The following ABI1 variants were observed in gnomAD, a reference collection of about 807,000 sequenced individuals.
ABI1 encodes the protein abl interactor 1, also known as Abelson interactor 1.
A neutral mutation model predicts 54.6 loss-of-function variants in ABI1; 14 were observed. The observed-to-expected ratio is 0.26, with a 90% CI of 0.17 to 0.40. The LOEUF is 0.40. ABI1 is among the 10% of genes least tolerant of loss of function. The pLI is 1.00. For missense variants in ABI1, 443 were observed against 598.3 expected, an observed-to-expected ratio of 0.74 and a Z score of 2.71; for synonymous variants, 194 against 209.3, an observed-to-expected ratio of 0.93 and a Z score of 0.63.
At chr10:26,811,971 G>C (rs748142348) in intron 2 of ABI1, among the ~76,000 whole-genome samples, 1 of 152,190 alleles carries the variant, frequency 6.6e-6, no homozygotes, top group South Asian at 2.1e-4. Context: ...GGCTCAGGAG[G>C]GGGTGTTCAC....
chr10:26,814,542 ATTAC>A (rs1224847654), intron 2 of ABI1, among the ~76,000 whole-genome samples: 3 of 152,206 alleles, frequency 2.0e-5, no homozygotes, highest in Admixed American at 6.5e-5. Context: ...TTCTCCTAGT[ATTAC>A]TTCCTATATT....
intron 6 of ABI1, among the ~76,000 whole-genome samples, chr10:26,768,493 G>A (rs1014746275): frequency 2.0e-5 from 3 of 150,762 alleles, no homozygotes; most frequent in African/African-American, 7.3e-5. Flanking sequence ...AGCCGAGATC[G>A]CACCACTACA....
In ABI1 at chr10:26,832,143, C is replaced by T. The variant is rs569848078; in HGVS notation, c.118-8838G>A. Among the ~76,000 whole-genome samples, 8 of 152,306 alleles carry T rather than the reference C, an allele frequency of 5.3e-5. No homozygotes were observed. The South Asian group carries it at 1.7e-3, about 32-fold the overall frequency. On this transcript the variant is annotated intron_variant, in intron 1 of 10. Transcript: ENST00000376140. ...AACAATGACAAATATGCCATGACCG[C>T]TGACTGGCTGATGACTTTTTAAGGA...
chr10:26,860,735 A>G lies in ABI1; in HGVS notation c.117+12T>C. The G allele has an allele frequency of 1.2e-6, 2 of 1,609,040 alleles. No homozygotes were observed. Among genetic ancestry groups the G allele is most frequent in the Non-Finnish European group, 1.7e-6 (2 of 1,175,770 alleles). On this transcript the variant is annotated intron_variant, in intron 1 of 10. Coordinates refer to ENST00000376140, the MANE Select transcript of ABI1 (RefSeq NM_001012750.3). The surrounding 1 kb of genome is among the most constrained non-coding windows in gnomAD (Gnocchi z 4.1). ...ACCCGGCCAGCGCCCGCCGGCCGCC[A>G]GAGCGCCTCACCTGTATGTAGTTGT...
intron 1 of ABI1, among the ~76,000 whole-genome samples, chr10:26,837,685 A>G (rs2049181400): frequency 6.6e-6 from 1 of 152,096 alleles, no homozygotes; most frequent in South Asian, 2.1e-4. Flanking sequence ...AATCCATCTC[A>G]GCTTACTGCA....
intron 2 of ABI1, among the ~76,000 whole-genome samples, chr10:26,814,121 T>C (rs1328548441): frequency 6.6e-6 from 1 of 152,186 alleles, no homozygotes; most frequent in Non-Finnish European, 1.5e-5. Context: ...AGGTTTGTTA[T>C]ATAAGGTTTT....
chr10:26,813,140 T>C lies in ABI1; in HGVS notation c.285+9998A>G, dbSNP rs146073709. Among the ~76,000 whole-genome samples the C allele has an allele frequency of 4.4e-3, 671 of 151,910 alleles. 4 individuals carry two copies. Among genetic ancestry groups the C allele is most frequent in the African/African-American group, 0.015 (625 of 41,424 alleles). On this transcript the variant is annotated intron_variant, in intron 2 of 10. Transcript: ENST00000376140. ...GGTGCACACCTGTAATCCTAGCTAC[T>C]TGGGAGGCTGAGGCAGGAGAATCAC...
intron 2 of ABI1, among the ~76,000 whole-genome samples, chr10:26,794,945 A>C (rs1843949956): frequency 6.6e-6 from 1 of 152,006 alleles, no homozygotes; most frequent in Non-Finnish European, 1.5e-5. Flanking sequence ...GGAGTTTGAG[A>C]CCAGCCTGGC....
Position 26,798,089 on chromosome 10 carries a change from AAGAGAGGACAAAAATTC to A in ABI1, c.286-20865_286-20849del, listed in dbSNP as rs151245288. Among the ~76,000 whole-genome samples, 643 of 152,294 alleles carry A rather than the reference AAGAGAGGACAAAAATTC, an allele frequency of 4.2e-3. 4 individuals carry two copies. The highest frequency in any genetic ancestry group is 0.014 in the African/African-American group (602 of 41,556). On this transcript the variant is annotated intron_variant, in intron 2 of 10. Coordinates refer to ENST00000376140, the MANE Select transcript of ABI1 (RefSeq NM_001012750.3). ...AAGAAAATCCAGGGAGACTAGGAAA[AAGAGAGGACAAAAATTC>A]AGAGCAGAAAACATGAACAAGGCTG...
chr10:26,759,109 G>T lies in ABI1; in HGVS notation c.950C>A (p.Ser317Tyr), dbSNP rs781063042. The change falls in exon 8 of 11, where the codon TCT becomes TAT. Residue 317 changes from serine (S) to tyrosine (Y), a missense_variant. By Grantham distance (144) the Ser-to-Tyr change is moderately radical. Around this residue, in one of 2 missense-constraint regions of ABI1, gnomAD observed 394 missense variants for 484.8 expected, o/e 0.81. Coordinates refer to ENST00000376140, the MANE Select transcript of ABI1 (RefSeq NM_001012750.3). ...ACCTCCATTAACATGAGGCTGAGCAGAAAATTGAGCAGTCACAGAGGGAGT... is the reference window on the plus strand; with the variant it reads ...ACCTCCATTAACATGAGGCTGAGCATAAAATTGAGCAGTCACAGAGGGAGT... Reference protein sequence around the residue: ...RRTPSVTAQFSAQPHVNGGPL... With the variant: ...RRTPSVTAQFYAQPHVNGGPL... 1 of 1,613,970 alleles carries T rather than the reference G, an allele frequency of 6.2e-7. No homozygotes were observed. The highest frequency in any genetic ancestry group is 1.3e-5 in the African/African-American group (1 of 74,930).
chr10:26,790,364 T>C (rs1370318952), intron 2 of ABI1, among the ~76,000 whole-genome samples: 1 of 152,222 alleles, frequency 6.6e-6, no homozygotes, highest in African/African-American at 2.4e-5. Context: ...TGGTTTTTAT[T>C]TGCATTTCTT....
intron 2 of ABI1, among the ~76,000 whole-genome samples, chr10:26,796,277 T>A (rs1206581391): frequency 6.6e-6 from 1 of 152,244 alleles, no homozygotes; most frequent in African/African-American, 2.4e-5. Flanking sequence ...TGTACAGTCA[T>A]GTGTCACATA....
chr10:26,816,146 T>C (rs1199659016), intron 2 of ABI1, among the ~76,000 whole-genome samples: 2 of 152,126 alleles, frequency 1.3e-5, no homozygotes, highest in Non-Finnish European at 2.9e-5. Context: ...GTCCCCTAAA[T>C]GATAAGCCAT....
At chr10:26,803,256 G>T (rs893526454) in intron 2 of ABI1, among the ~76,000 whole-genome samples, 5 of 152,128 alleles carry the variant, frequency 3.3e-5, no homozygotes, top group African/African-American at 1.2e-4. Flanking sequence ...AGAGCAGCAA[G>T]GGGAAATAAG....
Position 26,770,251 on chromosome 10 carries a change from G to A in ABI1, c.572C>T (p.Thr191Ile). 4 of 1,613,330 alleles carry A rather than the reference G, an allele frequency of 2.5e-6. No individual in the cohort carries two copies. In the South Asian group the frequency reaches 4.4e-5, roughly 18 times the overall value. ...PPSPPMSGRG[T>I]LGRNTPYKTL... ...AATGTAGTTGAATTCTTACCCCAGT[G>A]TTCCCCGGCCTGACATGGGAGGACT... The change falls in exon 5 of 11, where the codon ACA becomes ATA. Residue 191 changes from threonine to isoleucine, a missense_variant. Physicochemically the swap from Thr to Ile is moderately conservative, Grantham distance 89 (BLOSUM62 -1). Coordinates refer to ENST00000376140, the MANE Select transcript of ABI1 (RefSeq NM_001012750.3).
At chr10:26,823,083 G>C in intron 2 of ABI1, 55 bp downstream of exon 2, 1 of 1,440,428 alleles carries the variant, frequency 6.9e-7, no homozygotes, top group Non-Finnish European at 9.4e-7. Flanking sequence ...TTACTTCTTT[G>C]GCATATGCTG....
intron 2 of ABI1, among the ~76,000 whole-genome samples, chr10:26,816,832 A>G (rs2047594600): frequency 6.6e-6 from 1 of 152,194 alleles, no homozygotes; most frequent in South Asian, 2.1e-4. Flanking sequence ...TACCTTGAGC[A>G]TGCATCACCA....
intron 1 of ABI1, among the ~76,000 whole-genome samples, chr10:26,836,629 C>T (rs1428686602): frequency 6.6e-6 from 1 of 152,142 alleles, no homozygotes; most frequent in Admixed American, 6.6e-5. Context: ...ATTTCTGTTG[C>T]AACCATCTTG....
intron 2 of ABI1, among the ~76,000 whole-genome samples, chr10:26,809,872 G>A (rs1260881683): frequency 6.6e-6 from 1 of 152,154 alleles, no homozygotes; most frequent in Non-Finnish European, 1.5e-5. Context: ...CACAAGAAGA[G>A]GGCATGGAAG....
Sources: allele counts gnomAD v4.1 joint callset (sites outside exome capture counted in the v4.1 genomes callset), GRCh38; gene constraint gnomAD v4.1.1; regional missense constraint gnomAD v4.1.1; non-coding constraint Gnocchi (gnomAD v3.1); transcripts MANE v1.5; gene names NCBI Gene and HGNC (gene_info 2026-07-23, HGNC 2026-07-21).